Variants in GATA6 observed in about 807,000 individuals in gnomAD.
GATA6 encodes the protein GATA binding protein 6.
Under a neutral mutation model 48.1 loss-of-function variants are expected in GATA6, and 11 were observed. The ratio of observed to expected loss-of-function variants is 0.23; its 90% CI spans 0.14 to 0.38. GATA6 has a LOEUF of 0.38. GATA6 is among the 10% of genes least tolerant of loss of function. The pLI is 1.00. For synonymous variants in GATA6, 419 were observed against 396.1 expected (o/e 1.06, Z -0.69); for missense variants, 795 against 850.3 (o/e 0.93, Z 0.81).
intron 6 of GATA6, among the ~76,000 whole-genome samples, chr18:22,197,614 C>CG (rs1163357902): frequency 6.6e-6 from 1 of 152,190 alleles, no homozygotes; most frequent in African/African-American, 2.4e-5. Flanking sequence ...CTTCCCTTTA[C>CG]GGAATGTTTA....
intron 3 of GATA6, 43 bp downstream of exon 3, chr18:22,177,164 G>A: frequency 6.6e-7 from 1 of 1,524,368 alleles, no homozygotes; most frequent in Non-Finnish European, 8.8e-7. Context: ...GCCGGCCCCG[G>A]GCTCTCCTGG....
Position 22,194,716 on chromosome 18 carries a change from C to T in GATA6, c.1621-5940C>T, listed in dbSNP as rs568567056. Among the ~76,000 whole-genome samples, 13 of 151,546 alleles carry T rather than the reference C, an allele frequency of 8.6e-5. No individual in the cohort carries two copies. In the East Asian group the frequency reaches 1.4e-3, roughly 16 times the overall value. On this transcript the variant is annotated intron_variant, in intron 6 of 6. Coordinates refer to ENST00000269216, the MANE Select transcript of GATA6 (RefSeq NM_005257.6). The stretch of plus-strand genomic sequence containing the variant: ...CTCTGATTTCCCCCCTCCGCCCCCC[C>T]CTCCCAACACACACACATCGTGTTG...
intron 4 of GATA6, among the ~76,000 whole-genome samples, chr18:22,182,546 C>T (rs772054524): frequency 5.9e-5 from 9 of 151,998 alleles, no homozygotes; most frequent in Non-Finnish European, 1.0e-4. Flanking sequence ...TTAGTAGAGA[C>T]GGGGTTTCGT....
At chr18:22,174,727 GA>G (rs1253755005) in intron 2 of GATA6, among the ~76,000 whole-genome samples, 2 of 147,706 alleles carry the variant, frequency 1.4e-5, no homozygotes, top group African/African-American at 2.6e-5. Context: ...CTGTTTCTTA[GA>G]TTTTTTTTTT....
At chr18:22,178,628 G>GT (rs1370580552) in intron 3 of GATA6, among the ~76,000 whole-genome samples, 1 of 152,152 alleles carries the variant, frequency 6.6e-6, no homozygotes, top group Non-Finnish European at 1.5e-5. Context: ...TTTATGGTTG[G>GT]TTTTGTTTTA....
chr18:22,187,357 G>A (rs865845453), intron 6 of GATA6, among the ~76,000 whole-genome samples: 12 of 152,008 alleles, frequency 7.9e-5, no homozygotes, highest in African/African-American at 2.9e-4. Context: ...GCGCATGCCT[G>A]TAATCCCAGC....
rs1346846520 is a variant in GATA6 at position 22,185,383 on chromosome 18, C to T, written c.1620+2340C>T. ...GGTCTTCAGCTGCAAGCTTCCATCCCTGCGGTAGTCTAGGCAGCCTCCACG... is the reference window on the plus strand; with the variant it reads ...GGTCTTCAGCTGCAAGCTTCCATCCTTGCGGTAGTCTAGGCAGCCTCCACG... On this transcript the variant is annotated intron_variant, in intron 6 of 6. Coordinates refer to ENST00000269216, the MANE Select transcript of GATA6 (RefSeq NM_005257.6). This position sits in a 1 kb window ranked among gnomAD's most constrained non-coding sequence, Gnocchi z 4.3. 6.6e-6 allele frequency among the ~76,000 whole-genome samples: 1 copy of T among 152,252 alleles called. No homozygotes were observed. The highest frequency in any genetic ancestry group is 1.5e-5 in the Non-Finnish European group (1 of 68,044).
intron 6 of GATA6, among the ~76,000 whole-genome samples, chr18:22,186,686 C>T (rs777521577): frequency 4.6e-5 from 7 of 152,158 alleles, no homozygotes; most frequent in South Asian, 2.1e-4. Flanking sequence ...GCTCCCCTCC[C>T]CTAGCAGGAA....
At chr18:22,199,882 G>A (rs527799906) in intron 6 of GATA6, among the ~76,000 whole-genome samples, 1 of 125,362 alleles carries the variant, frequency 8.0e-6, no homozygotes, top group African/African-American at 3.1e-5. Context: ...CAGCCTGGGA[G>A]ACAGTGAGAC....
intron 6 of GATA6, among the ~76,000 whole-genome samples, chr18:22,196,564 A>G (rs1277449171): frequency 2.0e-5 from 3 of 152,076 alleles, no homozygotes; most frequent in Admixed American, 6.5e-5. Context: ...AACATGGTGA[A>G]ACCCCATCTT....
chr18:22,179,484 GT>G (rs2033167422), intron 3 of GATA6, among the ~76,000 whole-genome samples: 1 of 152,186 alleles, frequency 6.6e-6, no homozygotes, highest in Admixed American at 6.5e-5. Flanking sequence ...ATGATCTGCA[GT>G]TGACAGTCAT....
At chr18:22,173,407 C>T (rs1014097276) in intron 2 of GATA6, among the ~76,000 whole-genome samples, 2 of 152,128 alleles carry the variant, frequency 1.3e-5, no homozygotes, top group African/African-American at 4.8e-5. Context: ...AGGCACATTA[C>T]TCCAAACAGT....
chr18:22,191,495 G>A (rs943542108), intron 6 of GATA6, among the ~76,000 whole-genome samples: 3 of 152,050 alleles, frequency 2.0e-5, no homozygotes, highest in Admixed American at 6.5e-5. Flanking sequence ...ATGAATCTTC[G>A]AAGAAAACGA....
rs1307701142 is a variant in GATA6, at chr18:22,201,405, T to G, written c.*582T>G. On this transcript the variant is annotated 3_prime_UTR_variant, in exon 7 of 7. Coordinates refer to ENST00000269216, the MANE Select transcript of GATA6 (RefSeq NM_005257.6). ...TTCATATTGTGTGGCTGATCTGAAG[T>G]CAGTCGGAATTTGTAAACAGGGTAG... is the stretch of plus-strand genomic sequence containing the variant. The G allele has an allele frequency of 6.5e-6, 1 of 153,936 alleles. No individual in the cohort carries two copies. Among genetic ancestry groups the G allele is most frequent in the Non-Finnish European group, 1.5e-5 (1 of 68,936 alleles). The allele number at this position is 153,936 out of a possible 1,614,324, so 9.5% of individuals were successfully genotyped here.
chr18:22,178,391 A>C (rs1346128740), intron 3 of GATA6, among the ~76,000 whole-genome samples: 2 of 152,246 alleles, frequency 1.3e-5, no homozygotes, highest in Non-Finnish European at 2.9e-5. Context: ...AGCTTTCACC[A>C]GTCCCACTCT....
At chr18:22,175,640 A>G (rs1461927798) in intron 2 of GATA6, 1 of 152,220 alleles carries the variant, frequency 6.6e-6, no homozygotes, top group Non-Finnish European at 1.5e-5. Flanking sequence ...AAAACTTAAT[A>G]AGAAATGAGA....
intron 2 of GATA6, chr18:22,175,417 C>T (rs953979998): frequency 1.8e-4 from 27 of 152,160 alleles, no homozygotes; most frequent in African/African-American, 6.0e-4. Context: ...CTCCTCTATC[C>T]AGAGGGGCTC....
Position 22,172,105 on chromosome 18 carries a change from G to T in GATA6, c.961G>T (p.Gly321Trp). 1.3e-6 allele frequency: 2 copies of T among 1,492,412 alleles called. No individual in the cohort carries two copies. Among genetic ancestry groups the T allele is most frequent in the Non-Finnish European group, 1.8e-6 (2 of 1,126,326 alleles). The allele number at this position is 1,492,412 out of a possible 1,614,324, so 92.4% of individuals were successfully genotyped here. A position where few individuals can be genotyped will look rare whatever the true frequency, so the allele number is the denominator to read the frequency against. Reference protein sequence around the residue: ...SSLSAARPLNGTYHHHHHHHH... With the variant: ...SSLSAARPLNWTYHHHHHHHH... Reference sequence around the variant, plus strand: ...GCTGTCGGCCGCGCGGCCGCTGAACGGGACGTACCACCACCACCACCACCA... The same window carrying T: ...GCTGTCGGCCGCGCGGCCGCTGAACTGGACGTACCACCACCACCACCACCA... The change falls in exon 2 of 7, where the codon GGG (glycine) becomes TGG (tryptophan). Residue 321 changes from glycine to tryptophan, a missense_variant. By Grantham distance (184) the Gly-to-Trp change is radical. This residue lies in a region of GATA6 where 591 missense variants were observed against 570.0 expected (regional missense o/e 1.04). Coordinates refer to ENST00000269216, the MANE Select transcript of GATA6 (RefSeq NM_005257.6). The surrounding 1 kb of genome is among the most constrained non-coding windows in gnomAD (Gnocchi z 5.2).
chr18:22,170,562 CG>C lies in GATA6; in HGVS notation c.-37-545del, dbSNP rs2033019725. ...CTCTGGGAGAGCCAATATAGGAGAACGCGGCGGTTTCGTTTTCGGGGACAGG... is the reference window on the plus strand; with the variant it reads ...CTCTGGGAGAGCCAATATAGGAGAACCGGCGGTTTCGTTTTCGGGGACAGG... On this transcript the variant is annotated intron_variant, in intron 1 of 6. Transcript: ENST00000269216. This position sits in a 1 kb window ranked among gnomAD's most constrained non-coding sequence, Gnocchi z 6.7. Among the ~76,000 whole-genome samples the C allele has an allele frequency of 6.6e-6, 1 of 152,344 alleles. No individual in the cohort carries two copies. The highest frequency in any genetic ancestry group is 2.1e-4 in the South Asian group (1 of 4,828).
Sources: gnomAD v4.1 joint callset for allele counts (sites outside exome capture counted in the v4.1 genomes callset) on GRCh38, gnomAD v4.1.1 for gene constraint, gnomAD v4.1.1 regional missense constraint, Gnocchi (gnomAD v3.1) non-coding constraint, MANE v1.5 for transcripts, NCBI Gene and HGNC (gene_info 2026-07-23, HGNC 2026-07-21) for gene names.